The following TASOR variants were observed in gnomAD, a reference collection of about 807,000 sequenced individuals.
TASOR encodes transcription activation suppressor.
A neutral mutation model predicts 178.6 loss-of-function variants in TASOR; 53 were observed. The observed-to-expected ratio is 0.30, with a 90% CI of 0.24 to 0.37. The LOEUF (loss-of-function observed/expected upper bound fraction) is 0.37, where lower values mean the gene tolerates loss of function less well. TASOR is among the 10% of genes least tolerant of loss of function. The pLI, the probability that TASOR is intolerant of heterozygous loss-of-function variation, is 1.00. For synonymous variants in TASOR, 713 were observed against 696.2 expected, an observed-to-expected ratio of 1.02 and a Z score of -0.38; for missense variants, 1,815 against 1,971.4, an observed-to-expected ratio of 0.92 and a Z score of 1.50.
At chr3:56,658,845 C>T (rs547857853) in intron 11 of TASOR, among the ~76,000 whole-genome samples, 8 of 151,876 alleles carry the variant, frequency 5.3e-5, no homozygotes, top group Middle Eastern at 6.8e-3. Flanking sequence ...AGGTTGAACC[C>T]GGAGGTTGCA....
chr3:56,679,675 C>T (rs1341700874), intron 1 of TASOR, among the ~76,000 whole-genome samples: 1 of 152,146 alleles, frequency 6.6e-6, no homozygotes, highest in Non-Finnish European at 1.5e-5. Context: ...AACCAATAAA[C>T]GTTTTCCAGA....
At position 56,624,487 on chromosome 3, in the gene TASOR, G is replaced by T; in HGVS notation, c.4475C>A (p.Ser1492Ter). The stretch of plus-strand genomic sequence containing the variant: ...AACCACTGAAAAGTTACCTGACTGC[G>T]ACTCAAGATTCTCATTAGCACCAAG... ...PQLGANENLE[S>*]QSALLENDEK... Residue 1492 changes from serine to a stop codon, truncating the protein, a stop_gained, in exon 23 of 24, where the codon TCG becomes TAG. Coordinates refer to ENST00000683822, the MANE Select transcript of TASOR (RefSeq NM_001365635.2). LOFTEE classifies it high-confidence loss of function. 1 of 1,612,238 alleles carries T rather than the reference G, an allele frequency of 6.2e-7. No individual in the cohort carries two copies.
chr3:56,645,335 G>A (rs2077213687), intron 14 of TASOR, among the ~76,000 whole-genome samples: 2 of 152,148 alleles, frequency 1.3e-5, no homozygotes, highest in South Asian at 2.1e-4. Flanking sequence ...AATACAGATT[G>A]CTAAGAGCAA....
intron 11 of TASOR, among the ~76,000 whole-genome samples, chr3:56,651,890 C>T (rs540722819): frequency 3.3e-5 from 5 of 152,206 alleles, no homozygotes; most frequent in Middle Eastern, 3.4e-3. Flanking sequence ...AAAATGTTTA[C>T]GCTAATGTTC....
chr3:56,627,234 G>A, intron 20 of TASOR, 89 bp from the exon 21 acceptor site: 1 of 762,142 alleles, frequency 1.3e-6, no homozygotes, highest in East Asian at 2.6e-5. Flanking sequence ...ATATTATGTA[G>A]AAACACCTAC....
At chr3:56,660,659 A>G in intron 11 of TASOR, 72 bp downstream of exon 11, 1 of 1,178,806 alleles carries the variant, frequency 8.5e-7, no homozygotes, top group Non-Finnish European at 1.2e-6. Context: ...AAACTGAAAC[A>G]CTAATATGAT....
At position 56,682,839 on chromosome 3, in the gene TASOR, C is replaced by G. The variant is rs1204720773; in HGVS notation, c.168G>C (p.Gly56=). The G allele has an allele frequency of 3.2e-6, 5 of 1,550,356 alleles. No homozygotes were observed. In the Admixed American group the frequency reaches 9.8e-5, roughly 30 times the overall value. ...CCTCGGCCCCCGCGTTCTCCTCACG[C>G]CCAGCGCCGCCGCTGGGCTCAGCGA... ...LNIAEPSGGA[G]REENAGAEAA... Residue 56 remains glycine, a synonymous_variant, in exon 1 of 24, where the codon GGG becomes GGC. Transcript: ENST00000683822.
intron 14 of TASOR, among the ~76,000 whole-genome samples, chr3:56,645,592 AAAGT>A (rs1286196883): frequency 6.6e-6 from 1 of 152,186 alleles, no homozygotes; most frequent in Non-Finnish European, 1.5e-5. Flanking sequence ...AATCTAGATA[AAAGT>A]GTTTTAGCTG....
intron 15 of TASOR, among the ~76,000 whole-genome samples, chr3:56,641,018 TTAA>T (rs2077111693): frequency 6.6e-6 from 1 of 152,206 alleles, no homozygotes; most frequent in Admixed American, 6.5e-5. Flanking sequence ...AGCCAATGCT[TTAA>T]TAATTCAACT....
chr3:56,678,495 G>T (rs2031521380), intron 1 of TASOR, among the ~76,000 whole-genome samples: 1 of 151,824 alleles, frequency 6.6e-6, no homozygotes, highest in Non-Finnish European at 1.5e-5. Context: ...CTCAAGATTT[G>T]AAGGTTGTAT....
chr3:56,673,897 A>T (rs538358939), intron 1 of TASOR, among the ~76,000 whole-genome samples, 172 bp from the exon 2 acceptor site: 15 of 152,188 alleles, frequency 9.9e-5, no homozygotes, highest in Non-Finnish European at 7.3e-5. Context: ...AAAAAAATGT[A>T]AAACTAGTTG....
chr3:56,625,249 GATTATTCTACTTACTAAATAATAA>G (rs2076772577), intron 21 of TASOR, among the ~76,000 whole-genome samples: 1 of 152,142 alleles, frequency 6.6e-6, no homozygotes, highest in Admixed American at 6.5e-5. Context: ...AATCTCAGCT[GATTATTCTACTTACTAAATAATAA>G]ATTATGATTA....
intron 18 of TASOR, among the ~76,000 whole-genome samples, chr3:56,632,710 A>G (rs2076941555): frequency 1.3e-5 from 2 of 152,160 alleles, no homozygotes; most frequent in Non-Finnish European, 2.9e-5. Context: ...GCACAATCAT[A>G]GCTAACTGTA....
At position 56,657,229 on chromosome 3, in the gene TASOR, G is replaced by A. The variant is rs1398197997; in HGVS notation, c.1368+3502C>T. Reference sequence around the variant, plus strand: ...TGTAATCCCAGCTACTCCGGAGACTGAGGCAAGGGAATCACTTGAACTCAG... The same window carrying A: ...TGTAATCCCAGCTACTCCGGAGACTAAGGCAAGGGAATCACTTGAACTCAG... On this transcript the variant is annotated intron_variant, in intron 11 of 23. Coordinates refer to ENST00000683822, the MANE Select transcript of TASOR (RefSeq NM_001365635.2). Among the ~76,000 whole-genome samples the A allele has an allele frequency of 6.6e-5, 10 of 151,234 alleles. No individual in the cohort carries two copies. In the South Asian group the frequency reaches 2.1e-3, roughly 32 times the overall value.
At chr3:56,656,028 A>G (rs2077461475) in intron 11 of TASOR, among the ~76,000 whole-genome samples, 1 of 152,224 alleles carries the variant, frequency 6.6e-6, no homozygotes, top group South Asian at 2.1e-4. Flanking sequence ...GGAGCTTTCC[A>G]TTTAGTATTT....
intron 1 of TASOR, among the ~76,000 whole-genome samples, chr3:56,681,875 AACTAAG>A (rs2031825516): frequency 6.6e-6 from 1 of 152,196 alleles, no homozygotes; most frequent in African/African-American, 2.4e-5. Context: ...GGGTTCCAAA[AACTAAG>A]ACTGGACTTT....
chr3:56,663,870 T>C, intron 7 of TASOR: 3 of 991,982 alleles, frequency 3.0e-6, no homozygotes, highest in Non-Finnish European at 3.6e-6. Flanking sequence ...GTCAATTATT[T>C]TGCTGACATT....
intron 14 of TASOR, among the ~76,000 whole-genome samples, chr3:56,643,228 A>C (rs1440174574): frequency 1.3e-5 from 2 of 151,846 alleles, no homozygotes; most frequent in East Asian, 3.9e-4. Flanking sequence ...GGGTCACTGC[A>C]CTCCAGCCTG....
At chr3:56,641,867 ATTTG>A in intron 14 of TASOR, 115 bp from the exon 15 acceptor site, 1 of 1,074,814 alleles carries the variant, frequency 9.3e-7, no homozygotes, top group African/African-American at 1.6e-5. Flanking sequence ...AACTCAACCA[ATTTG>A]CTTAGACTTT....
Sources: allele counts gnomAD v4.1 joint callset (sites outside exome capture counted in the v4.1 genomes callset), GRCh38; gene constraint gnomAD v4.1.1; transcripts MANE v1.5; gene names NCBI Gene and HGNC (gene_info 2026-07-23, HGNC 2026-07-21).